Variants in TRPM3 observed in about 807,000 individuals in gnomAD.
The protein encoded by TRPM3 is long transient receptor potential channel 3.
In TRPM3, 77 loss-of-function variants were observed where a neutral mutation model predicts 181.2. The observed-to-expected ratio is 0.42, with a 90% CI of 0.35 to 0.51. TRPM3 has a LOEUF of 0.51. Ranked by LOEUF, TRPM3 falls within the 20% of genes least tolerant of loss-of-function variation. TRPM3 has a pLI of 0.01. For missense variants in TRPM3, 1,759 were observed against 2,196.7 expected (o/e 0.80, Z 3.98); for synonymous variants, 745 against 796.4 (o/e 0.94, Z 1.09).
rs537715777 is a variant in TRPM3 at position 70,596,592 on chromosome 9, G to A, written c.3048+1827C>T. On this transcript the variant is annotated intron_variant, in intron 21 of 25. Transcript: ENST00000677713. ...AATAAAAACAAAAAATTAGCCTGGCGTGGTGGCAGGTGACTGTAGTCCCAG... is the reference window on the plus strand; with the variant it reads ...AATAAAAACAAAAAATTAGCCTGGCATGGTGGCAGGTGACTGTAGTCCCAG... Among the ~76,000 whole-genome samples, 8 of 152,004 alleles carry A rather than the reference G, an allele frequency of 5.3e-5. No individual in the cohort carries two copies. The South Asian group carries it at 1.0e-3, about 20-fold the overall frequency.
chr9:71,247,567 A>G (rs1455851122), intron 1 of TRPM3, among the ~76,000 whole-genome samples: 1 of 152,014 alleles, frequency 6.6e-6, no homozygotes, highest in African/African-American at 2.4e-5. Context: ...TTTGCACTGG[A>G]AGGGAGAAGA....
chr9:70,755,609 C>T (rs1018122993), intron 8 of TRPM3, among the ~76,000 whole-genome samples: 16 of 151,984 alleles, frequency 1.1e-4, no homozygotes, highest in African/African-American at 2.7e-4. Context: ...TCAGGTGATC[C>T]GCCTGCCTCG....
chr9:71,099,959 T>C (rs1490587048), intron 1 of TRPM3, among the ~76,000 whole-genome samples: 2 of 152,212 alleles, frequency 1.3e-5, no homozygotes, highest in East Asian at 3.9e-4. Context: ...TACTGATTGT[T>C]TTATGTGTTT....
intron 1 of TRPM3, among the ~76,000 whole-genome samples, chr9:71,118,901 C>T (rs1464667337): frequency 6.6e-6 from 1 of 152,056 alleles, no homozygotes; most frequent in Non-Finnish European, 1.5e-5. Flanking sequence ...CCAGGAAGAG[C>T]ATTTACCAAA....
rs2041528605 is a variant in TRPM3 at position 70,535,591 on chromosome 9, A to G, written c.*362T>C. The stretch of plus-strand genomic sequence containing the variant: ...CTACAACTCTTGATAATGGTCAGAA[A>G]TCAACAGATGCCTCCTGGCATGGAG... On this transcript the variant is annotated 3_prime_UTR_variant, in exon 26 of 26. Transcript: ENST00000677713. The G allele has an allele frequency of 6.7e-7, 1 of 1,502,686 alleles. No individual in the cohort carries two copies. Among genetic ancestry groups the G allele is most frequent in the Non-Finnish European group, 8.8e-7 (1 of 1,130,168 alleles). The allele number at this position is 1,502,686 out of a possible 1,614,324, so 93.1% of individuals were successfully genotyped here.
chr9:70,584,208 TA>T (rs2056631504), intron 22 of TRPM3, among the ~76,000 whole-genome samples: 1 of 152,156 alleles, frequency 6.6e-6, no homozygotes, highest in Non-Finnish European at 1.5e-5. Flanking sequence ...CTCATATTTT[TA>T]TGAGTCCACT....
chr9:70,944,776 T>C (rs916159067), intron 1 of TRPM3, among the ~76,000 whole-genome samples: 4 of 152,284 alleles, frequency 2.6e-5, no homozygotes, highest in African/African-American at 4.8e-5. Context: ...ATTTATATCA[T>C]GACTAAATTT....
intron 9 of TRPM3, among the ~76,000 whole-genome samples, chr9:70,654,689 T>TTG (rs1432331145): frequency 1.3e-5 from 2 of 151,012 alleles, no homozygotes; most frequent in East Asian, 4.0e-4. Context: ...CTCTGTAGTT[T>TTG]TTTTTTTTTT....
chr9:70,583,103 T>C (rs571857819), intron 22 of TRPM3, among the ~76,000 whole-genome samples: 4 of 152,188 alleles, frequency 2.6e-5, no homozygotes, highest in Admixed American at 6.5e-5. Context: ...AATCCAGAAA[T>C]AGCCCTTGAG....
chr9:71,180,770 A>C (rs184037642), intron 1 of TRPM3, among the ~76,000 whole-genome samples: 31 of 152,244 alleles, frequency 2.0e-4, no homozygotes, highest in African/African-American at 7.2e-4. Flanking sequence ...TAAGATTTGA[A>C]ATTTTTTGAC....
chr9:70,951,218 A>G (rs1043547821), intron 1 of TRPM3, among the ~76,000 whole-genome samples: 1 of 152,198 alleles, frequency 6.6e-6, no homozygotes, highest in Non-Finnish European at 1.5e-5. Flanking sequence ...ATATAGGTAT[A>G]ATATTAAGAG....
At chr9:71,117,301 TC>T (rs899914173) in intron 1 of TRPM3, among the ~76,000 whole-genome samples, 43 of 152,002 alleles carry the variant, frequency 2.8e-4, no homozygotes, top group African/African-American at 1.0e-3. Flanking sequence ...TGCCTCTCCC[TC>T]CCCCCTAGTT....
chr9:70,962,719 T>C (rs1387149672), intron 1 of TRPM3, among the ~76,000 whole-genome samples: 1 of 152,118 alleles, frequency 6.6e-6, no homozygotes, highest in African/African-American at 2.4e-5. Context: ...CAATATAATA[T>C]ACTCTAATAA....
At chr9:71,349,477 TAAG>T (rs1284005198) in intron 1 of TRPM3, among the ~76,000 whole-genome samples, 1 of 152,176 alleles carries the variant, frequency 6.6e-6, no homozygotes, top group Non-Finnish European at 1.5e-5. Context: ...GAAATTCCAC[TAAG>T]AAGACTTCAG....
chr9:71,078,419 T>A (rs553639754), intron 1 of TRPM3, among the ~76,000 whole-genome samples: 15 of 152,180 alleles, frequency 9.9e-5, no homozygotes, highest in Non-Finnish European at 1.9e-4. Context: ...AAAGGAATTT[T>A]TAATAGTAAT....
chr9:70,536,654 C>A lies in TRPM3; in HGVS notation c.4459G>T (p.Asp1487Tyr), dbSNP rs745473403. 6.2e-7 allele frequency: 1 copy of A among 1,613,994 alleles called. No homozygotes were observed. The highest frequency in any genetic ancestry group is 1.1e-5 in the South Asian group (1 of 91,072). Residue 1487 changes from aspartate (D) to tyrosine (Y), a missense_variant, in exon 26 of 26, where the codon GAC (aspartate) becomes TAC (tyrosine). Around this residue, in one of 8 missense-constraint regions of TRPM3, gnomAD observed 612 missense variants for 590.0 expected, o/e 1.04. Transcript: ENST00000677713. ...TSMDTRSFSSDYTHLPECQNP... is the reference protein window; with the variant it reads ...TSMDTRSFSSYYTHLPECQNP... ...TGGCATTCTGGGAGGTGGGTGTAGT[C>A]TGAAGAAAAAGATCTAGTGTCCATG...
chr9:70,566,324 G>T (rs2050573413), intron 22 of TRPM3, among the ~76,000 whole-genome samples: 1 of 151,958 alleles, frequency 6.6e-6, no homozygotes, highest in Non-Finnish European at 1.5e-5. Flanking sequence ...CTGGGGAAAG[G>T]ATGCTCTAAG....
chr9:70,611,422 G>A (rs1259024399), intron 18 of TRPM3, among the ~76,000 whole-genome samples: 1 of 152,074 alleles, frequency 6.6e-6, no homozygotes, highest in Non-Finnish European at 1.5e-5. Context: ...AGAACTGATG[G>A]TTTTAAAGTG....
chr9:70,917,306 A>G, intron 1 of TRPM3: 1 of 1,333,476 alleles, frequency 7.5e-7, no homozygotes, highest in Non-Finnish European at 1.1e-6. Context: ...GTATATTATT[A>G]ATGGAGTTTC....
Sources: allele counts gnomAD v4.1 joint callset (sites outside exome capture counted in the v4.1 genomes callset), GRCh38; gene constraint gnomAD v4.1.1; regional missense constraint gnomAD v4.1.1; transcripts MANE v1.5; gene names NCBI Gene and HGNC (gene_info 2026-07-23, HGNC 2026-07-21).